LRP1: variants seen among roughly 807,000 people sequenced by gnomAD.
LRP1 encodes the protein LDL receptor related protein 1, also known as prolow-density lipoprotein receptor-related protein 1.
A neutral mutation model predicts 541.5 loss-of-function variants in LRP1; 51 were observed. The observed-to-expected ratio is 0.09, with a 90% CI of 0.08 to 0.12. The LOEUF is 0.12. LRP1 is among the 10% of genes least tolerant of loss of function. LRP1 has a pLI of 1.00. For missense variants in LRP1, 3,878 were observed against 6,376.2 expected (o/e 0.61, Z 13.34); for synonymous variants, 2,219 against 2,470.8 (o/e 0.90, Z 3.02).
At chr12:57,209,890 G>C (rs760030956) in intron 80 of LRP1, 22 bp downstream of exon 80, 9 of 1,610,410 alleles carry the variant, frequency 5.6e-6, no homozygotes, top group Non-Finnish European at 5.9e-6. Context: ...GGGGAGCCTG[G>C]GCTGGGGAAG....
chr12:57,140,138 C>G (rs527505969), intron 2 of LRP1, among the ~76,000 whole-genome samples: 1 of 152,024 alleles, frequency 6.6e-6, no homozygotes, highest in South Asian at 2.1e-4. Flanking sequence ...TGGGATCTCA[C>G]TATGTTGCCT....
Position 57,158,648 on chromosome 12 carries a change from C to T in LRP1, c.1798+10C>T. On this transcript the variant is annotated intron_variant, in intron 11 of 88. Transcript: ENST00000243077. This position sits in a 1 kb window ranked among gnomAD's most constrained non-coding sequence, Gnocchi z 5.3. ...ACCATCCTGAAGGACGGTATGGGCTCCTAGGGATGTGGCCCATGGGGATGG... is the reference window on the plus strand; with the variant it reads ...ACCATCCTGAAGGACGGTATGGGCTTCTAGGGATGTGGCCCATGGGGATGG... 6.2e-7 allele frequency: 1 copy of T among 1,611,732 alleles called. No homozygotes were observed. Among genetic ancestry groups the T allele is most frequent in the African/African-American group, 1.3e-5 (1 of 74,928 alleles).
At position 57,177,010 on chromosome 12, in the gene LRP1, C is replaced by G. The variant is rs369067795; in HGVS notation, c.3992-31C>G. 1.3e-6 allele frequency: 2 copies of G among 1,589,000 alleles called. No individual in the cohort carries two copies. Among genetic ancestry groups the G allele is most frequent in the African/African-American group, 1.3e-5 (1 of 74,604 alleles). On this transcript the variant is annotated intron_variant, in intron 24 of 88. Transcript: ENST00000243077. The surrounding 1 kb of genome is among the most constrained non-coding windows in gnomAD (Gnocchi z 6.8). ...CATTCATGCACAGCTCCCCAGGAGA[C>G]GCTAACCTTTCACTGCCCTCTCTTC...
At position 57,179,702 on chromosome 12, in the gene LRP1, C is replaced by A. The variant is rs2036123007; in HGVS notation, c.4967-80C>A. The A allele has an allele frequency of 1.4e-6, 2 of 1,469,956 alleles. No individual in the cohort carries two copies. The highest frequency in any genetic ancestry group is 1.4e-5 in the African/African-American group (1 of 72,510). 91.1% of individuals were successfully genotyped at this position (1,469,956 alleles called of 1,614,324 possible). A position where few individuals can be genotyped will look rare whatever the true frequency, so the allele number is the denominator to read the frequency against. On this transcript the variant is annotated intron_variant, in intron 29 of 88. Coordinates refer to ENST00000243077, the MANE Select transcript of LRP1 (RefSeq NM_002332.3). This position sits in a 1 kb window ranked among gnomAD's most constrained non-coding sequence, Gnocchi z 6.8. ...CCAGCCTGGTTTCCTGATCCCTTTT[C>A]TCCAGAAGGCACACTGGCTCCCCTC... is the stretch of plus-strand genomic sequence containing the variant.
Position 57,181,282 on chromosome 12 carries a change from G to C in LRP1, c.5653G>C (p.Ala1885Pro). The C allele has an allele frequency of 6.2e-7, 1 of 1,611,860 alleles. No homozygotes were observed. Among genetic ancestry groups the C allele is most frequent in the Non-Finnish European group, 8.5e-7 (1 of 1,179,498 alleles). ...AGYSLRSGQQ[A>P]CEGVGSFLLY... ...CTATAGCCTCCGGAGTGGCCAGCAG[G>C]CCTGCGAGGGTCAGTGCCTGGCTTT... is the stretch of plus-strand genomic sequence containing the variant. The change falls in exon 34 of 89, where the codon GCC (alanine) becomes CCC (proline). Residue 1885 changes from alanine (A) to proline (P), a missense_variant. By Grantham distance (27) the Ala-to-Pro change is conservative. Around this residue, in one of 13 missense-constraint regions of LRP1, gnomAD observed 394 missense variants for 635.9 expected, o/e 0.62. Transcript: ENST00000243077.
In LRP1 at chr12:57,208,133, G is replaced by C; in HGVS notation, c.11955G>C (p.Ala3985=). ...CGGGCCGAGATGTGATTGAGGTGGCGCAGATGAAGGGCGAGAACCGCAAGA... is the reference window on the plus strand; with the variant it reads ...CGGGCCGAGATGTGATTGAGGTGGCCCAGATGAAGGGCGAGAACCGCAAGA... The part of the protein sequence containing the change: ...TDSGRDVIEV[A]QMKGENRKTL... The change falls in exon 77 of 89, where the codon GCG becomes GCC. Residue 3985 remains alanine, a synonymous_variant. Transcript: ENST00000243077. 1 of 1,614,228 alleles carries C rather than the reference G, an allele frequency of 6.2e-7. No homozygotes were observed. Among genetic ancestry groups the C allele is most frequent in the Non-Finnish European group, 8.5e-7 (1 of 1,180,042 alleles).
At chr12:57,145,571 G>A (rs1021474474) in intron 6 of LRP1, 81 bp downstream of exon 6, 101 of 1,530,770 alleles carry the variant, frequency 6.6e-5, no homozygotes, top group South Asian at 8.4e-5. Context: ...AACAGAGGCC[G>A]GGAGTTACAC....
chr12:57,139,327 C>T (rs1357361311), intron 2 of LRP1, among the ~76,000 whole-genome samples: 20 of 152,222 alleles, frequency 1.3e-4, no homozygotes, highest in Middle Eastern at 3.4e-3. Context: ...GTCCCCACAC[C>T]CCCACCCGTA....
Position 57,189,593 on chromosome 12 carries a change from G to A in LRP1, c.7032-1212G>A, listed in dbSNP as rs899493350. 6.6e-6 allele frequency among the ~76,000 whole-genome samples: 1 copy of A among 152,154 alleles called. No homozygotes were observed. Among genetic ancestry groups the A allele is most frequent in the African/African-American group, 2.4e-5 (1 of 41,426 alleles). On this transcript the variant is annotated intron_variant, in intron 42 of 88. Transcript: ENST00000243077. This position sits in a 1 kb window ranked among gnomAD's most constrained non-coding sequence, Gnocchi z 4.4. ...GGCGGGATAGTTCAATGGTGCTGGA[G>A]ACGCTGGGGGTGGGCAAGAAGGGTG...
chr12:57,168,571 G>T (rs1028888856), intron 19 of LRP1, among the ~76,000 whole-genome samples: 3 of 152,134 alleles, frequency 2.0e-5, no homozygotes, highest in African/African-American at 4.8e-5. Flanking sequence ...AATACAGAGG[G>T]TCAAGTCAAG....
At chr12:57,150,759 A>G (rs1043035128) in intron 6 of LRP1, among the ~76,000 whole-genome samples, 1 of 152,184 alleles carries the variant, frequency 6.6e-6, no homozygotes, top group Non-Finnish European at 1.5e-5. Context: ...CAGTTAGTGT[A>G]CCATCCAGTT....
Position 57,200,028 on chromosome 12 carries a change from G to A in LRP1, c.10014+3G>A. ...TGTCCAACTGCACGGCTAGCCAGGTGAGGCTGTCCCCCAGACCCCATCACC... is the reference window on the plus strand; with the variant it reads ...TGTCCAACTGCACGGCTAGCCAGGTAAGGCTGTCCCCCAGACCCCATCACC... On this transcript the variant is annotated splice_donor_region_variant and intron_variant, in intron 62 of 88. Coordinates refer to ENST00000243077, the MANE Select transcript of LRP1 (RefSeq NM_002332.3). 1 of 1,591,194 alleles carries A rather than the reference G, an allele frequency of 6.3e-7. No homozygotes were observed. Among genetic ancestry groups the A allele is most frequent in the Non-Finnish European group, 8.5e-7 (1 of 1,173,378 alleles).
chr12:57,165,531 G>A lies in LRP1; in HGVS notation c.2531-274G>A. On this transcript the variant is annotated intron_variant, in intron 15 of 88. Transcript: ENST00000243077. This position sits in a 1 kb window ranked among gnomAD's most constrained non-coding sequence, Gnocchi z 4.5. ...GGAGAGCCTGTTCGGTGGTGACAGAGGTATAGAGGCCATGGGCTCTCTTGG... is the reference window on the plus strand; with the variant it reads ...GGAGAGCCTGTTCGGTGGTGACAGAAGTATAGAGGCCATGGGCTCTCTTGG... The A allele has an allele frequency of 2.6e-6, 1 of 380,758 alleles. No homozygotes were observed. Among genetic ancestry groups the A allele is most frequent in the Non-Finnish European group, 4.8e-6 (1 of 207,084 alleles). The allele number at this position is 380,758 out of a possible 1,614,324, so 23.6% of individuals were successfully genotyped here. A position where few individuals can be genotyped will look rare whatever the true frequency, so the allele number is the denominator to read the frequency against.
Position 57,210,793 on chromosome 12 carries a change from C to T in LRP1, c.12830C>T (p.Ala4277Val). Residue 4277 changes from alanine to valine, a missense_variant, in exon 83 of 89, where the codon GCC becomes GTC. By Grantham distance (64) the Ala-to-Val change is moderately conservative. This residue lies in a region of LRP1 where 871 missense variants were observed against 1,212.4 expected (regional missense o/e 0.72). Coordinates refer to ENST00000243077, the MANE Select transcript of LRP1 (RefSeq NM_002332.3). ...CAGCAGGTGTGTGCGGGCTACTGTG[C>T]CAACAACAGCACCTGCACTGTCAAC... ...CTQQVCAGYC[A>V]NNSTCTVNQG... 1 of 1,613,494 alleles carries T rather than the reference C, an allele frequency of 6.2e-7. No homozygotes were observed. The highest frequency in any genetic ancestry group is 2.2e-5 in the East Asian group (1 of 44,864).
At chr12:57,210,540 A>G in intron 82 of LRP1, 60 bp downstream of exon 82, 1 of 889,858 alleles carries the variant, frequency 1.1e-6, no homozygotes, top group Non-Finnish European at 1.4e-6. Flanking sequence ...CCCGCCACCC[A>G]CCACCCCACC....
chr12:57,198,327 G>T lies in LRP1; in HGVS notation c.9454G>T (p.Val3152Leu). ...SGLREPRALV[V>L]DVQNGYLYWT... ...CCTCCGTGAGCCCAGGGCTCTGGTG[G>T]TGGATGTGCAGAATGGGTATGTGGC... Residue 3152 changes from valine to leucine, a missense_variant, in exon 59 of 89, where the codon GTG (valine) becomes TTG (leucine). Around this residue, in one of 13 missense-constraint regions of LRP1, gnomAD observed 1,100 missense variants for 1,827.4 expected, o/e 0.60. Coordinates refer to ENST00000243077, the MANE Select transcript of LRP1 (RefSeq NM_002332.3). The T allele has an allele frequency of 1.2e-6, 2 of 1,613,638 alleles. No homozygotes were observed. Among genetic ancestry groups the T allele is most frequent in the South Asian group, 2.2e-5 (2 of 91,062 alleles).
In LRP1 at chr12:57,205,840, T is replaced by C; in HGVS notation, c.11590+163T>C. The C allele has an allele frequency of 2.7e-6, 3 of 1,092,976 alleles. No homozygotes were observed. Among genetic ancestry groups the C allele is most frequent in the Non-Finnish European group, 3.8e-6 (3 of 781,060 alleles). The allele number at this position is 1,092,976 out of a possible 1,614,324, so 67.7% of individuals were successfully genotyped here. A position where few individuals can be genotyped will look rare whatever the true frequency, so the allele number is the denominator to read the frequency against. On this transcript the variant is annotated intron_variant, in intron 75 of 88. Coordinates refer to ENST00000243077, the MANE Select transcript of LRP1 (RefSeq NM_002332.3). The surrounding 1 kb of genome is among the most constrained non-coding windows in gnomAD (Gnocchi z 4.6). ...CCTGAGCACAGTGCTGGCCCAGCAG[T>C]GGGGGCAGGTCCTGGGGCTGGCTGA...
Position 57,177,262 on chromosome 12 carries a change from G to T in LRP1, c.4196+17G>T. The T allele has an allele frequency of 6.2e-7, 1 of 1,611,288 alleles. No homozygotes were observed. Among genetic ancestry groups the T allele is most frequent in the Non-Finnish European group, 8.5e-7 (1 of 1,177,816 alleles). On this transcript the variant is annotated intron_variant, in intron 25 of 88. Coordinates refer to ENST00000243077, the MANE Select transcript of LRP1 (RefSeq NM_002332.3). This position sits in a 1 kb window ranked among gnomAD's most constrained non-coding sequence, Gnocchi z 6.8. Reference sequence around the variant, plus strand: ...CCGGGATGGGTGAGGACCTTGCCCAGCCTTCTCCTGGCCCCATGGCCCCCC... The same window carrying T: ...CCGGGATGGGTGAGGACCTTGCCCATCCTTCTCCTGGCCCCATGGCCCCCC...
rs1244480589 is a variant in LRP1, at chr12:57,212,765, C to T, written c.*210C>T. 1.4e-5 allele frequency: 8 copies of T among 556,462 alleles called. No homozygotes were observed. Among genetic ancestry groups the T allele is most frequent in the South Asian group, 1.3e-4 (6 of 44,486 alleles). The allele number at this position is 556,462 out of a possible 1,614,324, so 34.5% of individuals were successfully genotyped here. On this transcript the variant is annotated 3_prime_UTR_variant, in exon 89 of 89. Coordinates refer to ENST00000243077, the MANE Select transcript of LRP1 (RefSeq NM_002332.3). The surrounding 1 kb of genome is among the most constrained non-coding windows in gnomAD (Gnocchi z 5.0). ...CCCTCCCTGCCTGCTCCTTGGCACC[C>T]CCATGCTGCCTTCAGGGAGACAGGC... is the stretch of plus-strand genomic sequence containing the variant.
Sources: allele counts gnomAD v4.1 joint callset (sites outside exome capture counted in the v4.1 genomes callset), GRCh38; gene constraint gnomAD v4.1.1; regional missense constraint gnomAD v4.1.1; non-coding constraint Gnocchi (gnomAD v3.1); transcripts MANE v1.5; gene names NCBI Gene and HGNC (gene_info 2026-07-23, HGNC 2026-07-21).